The following SDC2 variants were observed in gnomAD, a reference collection of about 807,000 sequenced individuals.
The protein encoded by SDC2 is syndecan-2.
Under a neutral mutation model 22.2 loss-of-function variants are expected in SDC2, and 13 were observed. The observed-to-expected ratio is 0.59, with a 90% confidence interval of 0.38 to 0.93. The LOEUF (loss-of-function observed/expected upper bound fraction) is 0.93, where lower values mean the gene tolerates loss of function less well. SDC2 is among the 40% of genes least tolerant of loss of function. SDC2 has a pLI of 0.00. For synonymous variants in SDC2, 94 were observed against 92.8 expected (o/e 1.01, Z -0.07); for missense variants, 235 against 246.8 (o/e 0.95, Z 0.32).
intron 1 of SDC2, among the ~76,000 whole-genome samples, chr8:96,530,405 A>G (rs2582827): frequency 0.23 from 34,801 of 152,158 alleles, 4,861 homozygotes; most frequent in African/African-American, 0.4. Flanking sequence ...AGGCCCAGGC[A>G]GGTGCATCAC....
At chr8:96,512,364 G>C (rs1337184143) in intron 1 of SDC2, among the ~76,000 whole-genome samples, 2 of 152,212 alleles carry the variant, frequency 1.3e-5, no homozygotes, top group African/African-American at 4.8e-5. Context: ...CCTGTCAGCA[G>C]TTTCAGTAGA....
chr8:96,553,621 C>T (rs750105764), intron 1 of SDC2, among the ~76,000 whole-genome samples: 1 of 151,852 alleles, frequency 6.6e-6, no homozygotes, highest in Admixed American at 6.6e-5. Flanking sequence ...CAACAAGAAC[C>T]GCACACACCA....
At chr8:96,607,094 G>A (rs775643197) in intron 3 of SDC2, among the ~76,000 whole-genome samples, 4 of 152,174 alleles carry the variant, frequency 2.6e-5, no homozygotes, top group Non-Finnish European at 4.4e-5. Context: ...AGAGTCTGAG[G>A]TGGAATAGTT....
intron 1 of SDC2, among the ~76,000 whole-genome samples, chr8:96,585,813 A>G (rs1586315661): frequency 6.6e-6 from 1 of 151,844 alleles, no homozygotes; most frequent in East Asian, 1.9e-4. Context: ...TTGAATCATG[A>G]CTACAAGTTT....
At chr8:96,580,636 G>T (rs1814574157) in intron 1 of SDC2, 5 of 545,400 alleles carry the variant, frequency 9.2e-6, no homozygotes, top group Non-Finnish European at 1.2e-5. Flanking sequence ...CACAGGGCAT[G>T]GGACAGGGCC....
chr8:96,513,628 A>C (rs1188708077), intron 1 of SDC2, among the ~76,000 whole-genome samples: 1 of 152,232 alleles, frequency 6.6e-6, no homozygotes, highest in Non-Finnish European at 1.5e-5. Context: ...AAAAACGACA[A>C]AAACATCTTT....
chr8:96,592,083 T>C (rs773104408), intron 1 of SDC2, among the ~76,000 whole-genome samples: 4 of 152,180 alleles, frequency 2.6e-5, no homozygotes, highest in African/African-American at 7.2e-5. Flanking sequence ...TGGCTCAGGG[T>C]GGTCCAGGCC....
At chr8:96,518,590 C>T (rs1813446211) in intron 1 of SDC2, among the ~76,000 whole-genome samples, 1 of 152,092 alleles carries the variant, frequency 6.6e-6, no homozygotes, top group African/African-American at 2.4e-5. Context: ...ATTTCTTGAC[C>T]TCGTGATCCG....
chr8:96,536,890 A>G (rs752427864), intron 1 of SDC2, among the ~76,000 whole-genome samples: 27 of 152,228 alleles, frequency 1.8e-4, no homozygotes, highest in Non-Finnish European at 3.5e-4. Context: ...GATAACTGGC[A>G]GGTAACTCTG....
intron 1 of SDC2, among the ~76,000 whole-genome samples, chr8:96,531,375 G>C (rs192388165): frequency 6.6e-6 from 1 of 152,148 alleles, no homozygotes; most frequent in Admixed American, 6.5e-5. Flanking sequence ...ATATGGAGAA[G>C]TATGATTAAT....
intron 1 of SDC2, among the ~76,000 whole-genome samples, chr8:96,579,672 A>G (rs567302078): frequency 7.0e-4 from 106 of 152,348 alleles, no homozygotes; most frequent in Non-Finnish European, 1.3e-3. Context: ...TCTTTAAGCT[A>G]TTGTCATCTG....
chr8:96,586,682 C>A (rs1023218705), intron 1 of SDC2: 39 of 152,230 alleles, frequency 2.6e-4, no homozygotes, highest in African/African-American at 9.2e-4. Context: ...ATCTTTATGA[C>A]CAGCCCAGTC....
intron 1 of SDC2, among the ~76,000 whole-genome samples, chr8:96,574,441 C>T (rs572473825): frequency 6.6e-6 from 1 of 152,348 alleles, no homozygotes; most frequent in South Asian, 2.1e-4. Context: ...AGAAACTTAT[C>T]TAGAGCTGTC....
chr8:96,582,659 C>G (rs1456358477), intron 1 of SDC2, among the ~76,000 whole-genome samples: 3 of 151,660 alleles, frequency 2.0e-5, no homozygotes, highest in Non-Finnish European at 3.0e-5. Flanking sequence ...GCTGCCATTA[C>G]AAACAGGTGA....
chr8:96,528,273 T>C (rs1417080268), intron 1 of SDC2, among the ~76,000 whole-genome samples: 1 of 152,202 alleles, frequency 6.6e-6, no homozygotes, highest in Non-Finnish European at 1.5e-5. Context: ...AAGAGGATTT[T>C]TTTTAAGCCT....
intron 1 of SDC2, among the ~76,000 whole-genome samples, chr8:96,560,746 G>T (rs1290638786): frequency 3.3e-5 from 5 of 151,862 alleles, no homozygotes; most frequent in African/African-American, 1.2e-4. Flanking sequence ...AAAAAATCAA[G>T]AGGTTCATGG....
chr8:96,570,606 T>C lies in SDC2; in HGVS notation c.61-22874T>C, dbSNP rs117334844. On this transcript the variant is annotated intron_variant, in intron 1 of 4. Transcript: ENST00000302190. ...AAGAGACCTGTGCATTCCACTGTGA[T>C]AGCCACGAGGTGCATGTGTCCATTG... Among the ~76,000 whole-genome samples, 317 of 152,304 alleles carry C rather than the reference T, an allele frequency of 2.1e-3. 9 individuals carry two copies. The East Asian group carries it at 0.055, about 27-fold the overall frequency.
intron 1 of SDC2, among the ~76,000 whole-genome samples, chr8:96,556,201 A>T (rs1035507094): frequency 3.9e-5 from 6 of 152,150 alleles, no homozygotes; most frequent in Non-Finnish European, 8.8e-5. Context: ...TTTGGGAATG[A>T]TAATTTGAGA....
chr8:96,592,815 C>T (rs1814805054), intron 1 of SDC2, among the ~76,000 whole-genome samples: 1 of 152,206 alleles, frequency 6.6e-6, no homozygotes, highest in African/African-American at 2.4e-5. Flanking sequence ...AGCCAATGAG[C>T]CCTAGAAGCA....
Sources: gnomAD v4.1 joint callset for allele counts (sites outside exome capture counted in the v4.1 genomes callset) on GRCh38, gnomAD v4.1.1 for gene constraint, MANE v1.5 for transcripts, NCBI Gene and HGNC (gene_info 2026-07-23, HGNC 2026-07-21) for gene names.